DIAPH3: variants seen among roughly 807,000 people sequenced by gnomAD.
The protein encoded by DIAPH3 is diaphanous related formin 3, also known as protein diaphanous homolog 3.
Under a neutral mutation model 144.3 loss-of-function variants are expected in DIAPH3, and 117 were observed. The ratio of observed to expected loss-of-function variants is 0.81; its 90% CI spans 0.70 to 0.95. DIAPH3 has a LOEUF of 0.95. Ranked by LOEUF, DIAPH3 falls within the 40% of genes least tolerant of loss-of-function variation. The pLI, the probability that DIAPH3 is intolerant of heterozygous loss-of-function variation, is 0.00. For synonymous variants in DIAPH3, 519 were observed against 488.9 expected (o/e 1.06, Z -0.81); for missense variants, 1,421 against 1,412.7 (o/e 1.01, Z -0.09).
Position 59,746,380 on chromosome 13 carries a change from T to C in DIAPH3, c.3319+27809A>G, listed in dbSNP as rs575888398. On this transcript the variant is annotated intron_variant, in intron 27 of 27. Transcript: ENST00000400324. ...CTGAGATTACAGCTGTGCGCCACCATACCCAGCTAATTTTTTTTTTTTTTA... is the reference window on the plus strand; with the variant it reads ...CTGAGATTACAGCTGTGCGCCACCACACCCAGCTAATTTTTTTTTTTTTTA... Among the ~76,000 whole-genome samples, 211 of 144,250 alleles carry C rather than the reference T, an allele frequency of 1.5e-3. 1 individual carries two copies. Among genetic ancestry groups the C allele is most frequent in the African/African-American group, 5.2e-3 (197 of 37,786 alleles). The allele number at this position is 144,250 out of a possible 152,430, so 94.6% of individuals were successfully genotyped here.
intron 4 of DIAPH3, among the ~76,000 whole-genome samples, chr13:60,047,934 T>A (rs1449863449): frequency 6.6e-6 from 1 of 152,218 alleles, no homozygotes; most frequent in Non-Finnish European, 1.5e-5. Context: ...TAAGTTAGCC[T>A]GTTACTATTT....
chr13:59,799,375 GCACACACACACACA>G (rs56979042), intron 25 of DIAPH3, among the ~76,000 whole-genome samples: 13,041 of 139,338 alleles, frequency 0.094, 759 homozygotes, highest in South Asian at 0.19. Flanking sequence ...CTGGAAATAT[GCACACACACACACA>G]CACACACACA....
chr13:59,881,286 A>T (rs1399077104), intron 20 of DIAPH3, among the ~76,000 whole-genome samples: 1 of 152,120 alleles, frequency 6.6e-6, no homozygotes, highest in Non-Finnish European at 1.5e-5. Flanking sequence ...CCTTTAGAGC[A>T]GTCAGACATA....
At chr13:59,781,577 G>C (rs937893105) in intron 25 of DIAPH3, among the ~76,000 whole-genome samples, 1 of 152,194 alleles carries the variant, frequency 6.6e-6, no homozygotes, top group Non-Finnish European at 1.5e-5. Flanking sequence ...TGGGCAGTGG[G>C]ACAGAGTAGT....
At chr13:60,135,575 A>T (rs1248446214) in intron 1 of DIAPH3, among the ~76,000 whole-genome samples, 1 of 152,214 alleles carries the variant, frequency 6.6e-6, no homozygotes. Context: ...CACCATCAGC[A>T]AGAGAAGTCA....
At chr13:60,098,319 C>A (rs1462898770) in intron 3 of DIAPH3, among the ~76,000 whole-genome samples, 2 of 152,008 alleles carry the variant, frequency 1.3e-5, no homozygotes, top group African/African-American at 4.8e-5. Flanking sequence ...TGAGATGCAC[C>A]ACAGTCAGGA....
At chr13:59,794,903 A>T (rs1454346380) in intron 25 of DIAPH3, among the ~76,000 whole-genome samples, 2 of 152,232 alleles carry the variant, frequency 1.3e-5, no homozygotes, top group Non-Finnish European at 2.9e-5. Context: ...AAAGAAAGAC[A>T]TGTTCCTCAA....
In DIAPH3 at chr13:59,980,547, A is replaced by G. The variant is rs942398995; in HGVS notation, c.1545+248T>C. 2.0e-5 allele frequency among the ~76,000 whole-genome samples: 3 copies of G among 151,672 alleles called. No homozygotes were observed. In the Admixed American group the frequency reaches 2.0e-4, roughly 10 times the overall value. ...TCATTCACATATAAATACATAAACT[A>G]TGTAGCATGTGAGATGATGATAAAT... On this transcript the variant is annotated intron_variant, in intron 14 of 27. Coordinates refer to ENST00000400324, the MANE Select transcript of DIAPH3 (RefSeq NM_001042517.2).
chr13:59,745,258 T>C (rs1458520432), intron 27 of DIAPH3, among the ~76,000 whole-genome samples: 2 of 152,208 alleles, frequency 1.3e-5, no homozygotes, highest in East Asian at 3.8e-4. Flanking sequence ...CAGGGGCCAG[T>C]ACTATTTCAA....
chr13:59,984,214 T>A (rs764296671), intron 12 of DIAPH3, among the ~76,000 whole-genome samples: 1 of 151,704 alleles, frequency 6.6e-6, no homozygotes, highest in Non-Finnish European at 1.5e-5. Flanking sequence ...GGTCATCAAC[T>A]TTCCACTGTA....
intron 5 of DIAPH3, among the ~76,000 whole-genome samples, chr13:60,016,803 G>A (rs2053682856): frequency 6.6e-6 from 1 of 152,110 alleles, no homozygotes; most frequent in Non-Finnish European, 1.5e-5. Flanking sequence ...TTATCTCCAT[G>A]TTCACCAAAC....
chr13:60,060,930 A>G (rs1289847992), intron 4 of DIAPH3, among the ~76,000 whole-genome samples: 2 of 151,838 alleles, frequency 1.3e-5, no homozygotes, highest in Non-Finnish European at 2.9e-5. Flanking sequence ...GTAAGTATCT[A>G]TTATATACTG....
chr13:60,107,213 T>C (rs2058445218), intron 3 of DIAPH3, among the ~76,000 whole-genome samples: 1 of 151,716 alleles, frequency 6.6e-6, no homozygotes, highest in Non-Finnish European at 1.5e-5. Context: ...CCATCAAATA[T>C]CTCAGAAGAA....
At chr13:59,679,180 T>C (rs1332709844) in intron 27 of DIAPH3, among the ~76,000 whole-genome samples, 1 of 152,212 alleles carries the variant, frequency 6.6e-6, no homozygotes, top group East Asian at 1.9e-4. Flanking sequence ...GTAAAAGGAA[T>C]AGGTCAATGT....
chr13:59,716,859 C>A (rs1728155076), intron 27 of DIAPH3, among the ~76,000 whole-genome samples: 2 of 151,970 alleles, frequency 1.3e-5, no homozygotes, highest in South Asian at 2.1e-4. Context: ...TATCTATCAA[C>A]AAGGGAATAC....
At chr13:59,885,732 CA>C (rs2045402327) in intron 20 of DIAPH3, among the ~76,000 whole-genome samples, 1 of 152,008 alleles carries the variant, frequency 6.6e-6, no homozygotes, top group Non-Finnish European at 1.5e-5. Context: ...TTAAGAATCT[CA>C]AGATGAAATC....
At chr13:60,034,974 A>T (rs2055105227) in intron 5 of DIAPH3, among the ~76,000 whole-genome samples, 1 of 152,224 alleles carries the variant, frequency 6.6e-6, no homozygotes, top group African/African-American at 2.4e-5. Context: ...AATTTTTTTT[A>T]AAAAGTCAAT....
chr13:60,095,549 T>C lies in DIAPH3; in HGVS notation c.391-1817A>G, dbSNP rs951021547. On this transcript the variant is annotated intron_variant, in intron 3 of 27. Transcript: ENST00000400324. Reference sequence around the variant, plus strand: ...TCATGGCGCTAGTGAGAGTGTCTTATGCTAATTAATGAGGGCAGCTAGGGA... The same window carrying C: ...TCATGGCGCTAGTGAGAGTGTCTTACGCTAATTAATGAGGGCAGCTAGGGA... 4.4e-4 allele frequency among the ~76,000 whole-genome samples: 67 copies of C among 152,176 alleles called. 1 individual carries two copies. The highest frequency in any genetic ancestry group is 1.5e-3 in the African/African-American group (63 of 41,556).
At chr13:59,929,554 CTTTTTTT>C (rs1167902415) in intron 17 of DIAPH3, among the ~76,000 whole-genome samples, 1 of 56,086 alleles carries the variant, frequency 1.8e-5, no homozygotes, top group Non-Finnish European at 3.4e-5. Context: ...AAATTTTGTT[CTTTTTTT>C]TTTTTTTTTT....
Sources: gnomAD v4.1 joint callset for allele counts (sites outside exome capture counted in the v4.1 genomes callset) on GRCh38, gnomAD v4.1.1 for gene constraint, MANE v1.5 for transcripts, NCBI Gene and HGNC (gene_info 2026-07-23, HGNC 2026-07-21) for gene names.